The following NXPH1 variants were observed in gnomAD, a reference collection of about 807,000 sequenced individuals.
NXPH1 encodes the protein neurexophilin 1, also known as neurexophilin-1.
Under a neutral mutation model 23.7 loss-of-function variants are expected in NXPH1, and 5 were observed. The observed-to-expected ratio is 0.21, with a 90% CI of 0.11 to 0.44. The LOEUF is 0.44. Among genes scored for constraint, NXPH1 ranks in the 20% least tolerant of loss-of-function variants. NXPH1 has a pLI of 0.99. For missense variants in NXPH1, 324 were observed against 321.6 expected (o/e 1.01, Z -0.06); for synonymous variants, 144 against 122.2 (o/e 1.18, Z -1.18).
chr7:8,501,735 T>A (rs1053153772), intron 2 of NXPH1, among the ~76,000 whole-genome samples: 1 of 152,038 alleles, frequency 6.6e-6, no homozygotes, highest in African/African-American at 2.4e-5. Flanking sequence ...TGGCGCTTTA[T>A]AAATGAAGAA....
intron 2 of NXPH1, among the ~76,000 whole-genome samples, chr7:8,726,381 A>T (rs201712852): frequency 6.6e-6 from 1 of 151,272 alleles, no homozygotes; most frequent in Admixed American, 6.6e-5. Context: ...CGTGTGCACA[A>T]TGTGCAGGTT....
At chr7:8,471,682 A>AT (rs201146256) in intron 2 of NXPH1, among the ~76,000 whole-genome samples, 2,441 of 152,016 alleles carry the variant, frequency 0.016, 64 homozygotes, top group African/African-American at 0.053. Flanking sequence ...ATCTATATTT[A>AT]TTTTTTTCTT....
intron 2 of NXPH1, among the ~76,000 whole-genome samples, chr7:8,575,342 G>C (rs983434441): frequency 1.3e-5 from 2 of 152,100 alleles, no homozygotes; most frequent in African/African-American, 4.8e-5. Context: ...AAGCTGACAG[G>C]TCATTAATCC....
intron 2 of NXPH1, among the ~76,000 whole-genome samples, chr7:8,532,536 C>T (rs186691949): frequency 1.3e-4 from 19 of 151,594 alleles, no homozygotes; most frequent in African/African-American, 3.9e-4. Flanking sequence ...GCTTCCACTG[C>T]GGTTTTGAAG....
chr7:8,571,010 TGTCTGTCTATCTAATCTA>T (rs987456126), intron 2 of NXPH1, among the ~76,000 whole-genome samples: 1 of 143,606 alleles, frequency 7.0e-6, no homozygotes, highest in African/African-American at 2.5e-5. Flanking sequence ...TCTGTCTATC[TGTCTGTCTATCTAATCTA>T]ATCTAATCTA....
chr7:8,631,543 C>A (rs1421977251), intron 2 of NXPH1, among the ~76,000 whole-genome samples: 1 of 141,666 alleles, frequency 7.1e-6, no homozygotes, highest in Non-Finnish European at 1.5e-5. Flanking sequence ...GGTCTAATAT[C>A]CAGCATCTAT....
At chr7:8,670,916 T>A (rs1820858962) in intron 2 of NXPH1, among the ~76,000 whole-genome samples, 1 of 152,134 alleles carries the variant, frequency 6.6e-6, no homozygotes, top group South Asian at 2.1e-4. Flanking sequence ...GTGTATTAGG[T>A]AATATCTAAG....
At chr7:8,714,283 T>C (rs970562078) in intron 2 of NXPH1, among the ~76,000 whole-genome samples, 1 of 151,972 alleles carries the variant, frequency 6.6e-6, no homozygotes, top group African/African-American at 2.4e-5. Context: ...AAGGGCTCTT[T>C]ACTCGGCTTG....
At chr7:8,718,832 C>G (rs182680066) in intron 2 of NXPH1, among the ~76,000 whole-genome samples, 1 of 152,200 alleles carries the variant, frequency 6.6e-6, no homozygotes, top group East Asian at 1.9e-4. Flanking sequence ...TTTATAACAC[C>G]CTTTTTGTAT....
chr7:8,648,564 G>C (rs974032257), intron 2 of NXPH1, among the ~76,000 whole-genome samples: 1 of 152,172 alleles, frequency 6.6e-6, no homozygotes, highest in African/African-American at 2.4e-5. Context: ...TCATTCATCT[G>C]TTGATGGACA....
chr7:8,676,096 A>G (rs935097573), intron 2 of NXPH1, among the ~76,000 whole-genome samples: 1 of 152,188 alleles, frequency 6.6e-6, no homozygotes, highest in African/African-American at 2.4e-5. Context: ...AAAAAATAAA[A>G]GTGTAAAGTT....
At chr7:8,523,165 C>T (rs1244298996) in intron 2 of NXPH1, among the ~76,000 whole-genome samples, 2 of 152,192 alleles carry the variant, frequency 1.3e-5, no homozygotes, top group Non-Finnish European at 2.9e-5. Flanking sequence ...TAGTCCAGTA[C>T]TTCCTTTGAC....
At chr7:8,743,808 C>G (rs575193185) in intron 2 of NXPH1, among the ~76,000 whole-genome samples, 1 of 151,872 alleles carries the variant, frequency 6.6e-6, no homozygotes, top group Non-Finnish European at 1.5e-5. Flanking sequence ...CTCAGCCTCC[C>G]GAGTAGCTGG....
chr7:8,514,844 T>C (rs766657596), intron 2 of NXPH1, among the ~76,000 whole-genome samples: 2 of 152,140 alleles, frequency 1.3e-5, no homozygotes, highest in African/African-American at 4.8e-5. Flanking sequence ...AGTAGTTCAG[T>C]TGAGATGATT....
chr7:8,520,867 T>C (rs1387491996), intron 2 of NXPH1, among the ~76,000 whole-genome samples: 1 of 152,180 alleles, frequency 6.6e-6, no homozygotes, highest in East Asian at 1.9e-4. Context: ...CAGAATTCAT[T>C]CTGTCCTTAT....
intron 2 of NXPH1, among the ~76,000 whole-genome samples, chr7:8,560,661 C>T (rs992443036): frequency 6.6e-6 from 1 of 151,692 alleles, no homozygotes; most frequent in African/African-American, 2.4e-5. Context: ...CTATAACTTC[C>T]TTCCAAGCCA....
At chr7:8,692,603 T>A (rs1036156582) in intron 2 of NXPH1, among the ~76,000 whole-genome samples, 1 of 152,206 alleles carries the variant, frequency 6.6e-6, no homozygotes, top group Non-Finnish European at 1.5e-5. Context: ...TGGCCTATTA[T>A]CTGGAAAAGT....
At chr7:8,722,125 G>C (rs1779979661) in intron 2 of NXPH1, among the ~76,000 whole-genome samples, 2 of 151,908 alleles carry the variant, frequency 1.3e-5, no homozygotes, top group South Asian at 2.1e-4. Flanking sequence ...AGTTGACTTA[G>C]AGATGGATTT....
chr7:8,750,852 C>A (rs1780551273), intron 2 of NXPH1, among the ~76,000 whole-genome samples, 156 bp from the exon 3 acceptor site: 1 of 151,986 alleles, frequency 6.6e-6, no homozygotes, highest in African/African-American at 2.4e-5. Flanking sequence ...GGAGAGGGGG[C>A]TTAGATCTCT....
Sources: gnomAD v4.1 joint callset for allele counts (sites outside exome capture counted in the v4.1 genomes callset) on GRCh38, gnomAD v4.1.1 for gene constraint, MANE v1.5 for transcripts, NCBI Gene and HGNC (gene_info 2026-07-23, HGNC 2026-07-21) for gene names.